GPR151: variants seen among roughly 807,000 people sequenced by gnomAD.
GPR151 encodes G protein-coupled receptor 151.
In GPR151, 16 loss-of-function variants were observed where a neutral mutation model predicts 18.2. The observed-to-expected ratio is 0.88, with a 90% CI of 0.60 to 1.34. GPR151 has a LOEUF of 1.34. Ranked by LOEUF, GPR151 falls within the 40% of genes most tolerant of loss-of-function variation. The pLI is 0.00. For synonymous variants in GPR151, 202 were observed against 191.2 expected (o/e 1.06, Z -0.47); for missense variants, 509 against 504.3 (o/e 1.01, Z -0.09).
rs1238255982 is a variant in GPR151, at chr5:146,515,436, A to G, written c.678T>C (p.Tyr226=). The G allele has an allele frequency of 6.2e-7, 1 of 1,614,176 alleles. No individual in the cohort carries two copies. The highest frequency in any genetic ancestry group is 8.5e-7 in the Non-Finnish European group (1 of 1,180,020). Residue 226 remains tyrosine, a synonymous_variant, in exon 1 of 1, where the codon TAT becomes TAC. Transcript: ENST00000311104. ...FFASFYFWRA[Y]DQCKKRGTKT... is the part of the protein sequence containing the mutation. ...TAGTTCCTCGTTTTTTACATTGGTC[A>G]TAAGCTCTCCAGAAATAAAAGCTGG...
At position 146,515,678 on chromosome 5, in the gene GPR151, G is replaced by C; in HGVS notation, c.436C>G (p.Gln146Glu). Reference protein sequence around the residue: ...CFMYASDPAKQVSIHNYTIWS... With the variant: ...CFMYASDPAKEVSIHNYTIWS... ...ATGGTGTAGTTGTGGATACTCACTT[G>C]CTTGGCTGGGTCACTTGCATACATG... The change falls in exon 1 of 1, where the codon CAA (glutamine) becomes GAA (glutamate). Residue 146 changes from glutamine to glutamate, a missense_variant. Physicochemically the swap from Gln to Glu is conservative, Grantham distance 29 (BLOSUM62 2). Coordinates refer to ENST00000311104, the MANE Select transcript of GPR151 (RefSeq NM_194251.3). 7 of 1,614,158 alleles carry C rather than the reference G, an allele frequency of 4.3e-6. No homozygotes were observed. Among genetic ancestry groups the C allele is most frequent in the Non-Finnish European group, 5.9e-6 (7 of 1,180,030 alleles).
Position 146,515,617 on chromosome 5 carries a change from C to T in GPR151, c.497G>A (p.Ser166Asn), listed in dbSNP as rs1039317557. ...GAACCATTCCGGCAGGGGTAACAGG[C>T]TAGCCACAGTCCAGATGGCCACCAG... is the stretch of plus-strand genomic sequence containing the variant. ...SVLVAIWTVA[S>N]LLPLPEWFFS... Residue 166 changes from serine (S) to asparagine (N), a missense_variant, in exon 1 of 1, where the codon AGC becomes AAC. Coordinates refer to ENST00000311104, the MANE Select transcript of GPR151 (RefSeq NM_194251.3). 1.2e-6 allele frequency: 2 copies of T among 1,614,172 alleles called. No individual in the cohort carries two copies. Among genetic ancestry groups the T allele is most frequent in the Non-Finnish European group, 1.7e-6 (2 of 1,180,036 alleles).
Position 146,515,475 on chromosome 5 carries a change from A to G in GPR151, c.639T>C (p.Leu213=). The G allele has an allele frequency of 6.2e-7, 1 of 1,614,154 alleles. No individual in the cohort carries two copies. The highest frequency in any genetic ancestry group is 8.5e-7 in the Non-Finnish European group (1 of 1,180,002). The stretch of plus-strand genomic sequence containing the variant: ...AATAAAAGCTGGCAAAAAATAATGG[A>G]AGGCCAAATGCCAGGAGTGGGTAGA... The part of the protein sequence containing the change: ...GKLYPLLAFG[L]PLFFASFYFW... Residue 213 remains leucine, a synonymous_variant, in exon 1 of 1, where the codon CTT becomes CTC. Coordinates refer to ENST00000311104, the MANE Select transcript of GPR151 (RefSeq NM_194251.3).
Position 146,515,226 on chromosome 5 carries a change from A to G in GPR151, c.888T>C (p.Phe296=). The G allele has an allele frequency of 6.2e-7, 1 of 1,614,184 alleles. No homozygotes were observed. The highest frequency in any genetic ancestry group is 8.5e-7 in the Non-Finnish European group (1 of 1,180,038). ...TGAGAGGATTTGCTGAAGAGATGGA[A>G]AACATCAAGACTTGAGACAGGGCTA... ...GFIALSQVLM[F]SISSANPLIF... is the part of the protein sequence containing the mutation. The change falls in exon 1 of 1, where the codon TTT becomes TTC. Residue 296 remains phenylalanine, a synonymous_variant. Transcript: ENST00000311104.
rs559725875 is a variant in GPR151 at position 146,513,159 on chromosome 5, C to T, written c.*1695G>A. The T allele has an allele frequency of 5.3e-5, 8 of 152,270 alleles. No homozygotes were observed. In the South Asian group the frequency reaches 1.7e-3, roughly 32 times the overall value. The allele number at this position is 152,270 out of a possible 1,614,324, so 9.4% of individuals were successfully genotyped here. A position where few individuals can be genotyped will look rare whatever the true frequency, so the allele number is the denominator to read the frequency against. Reference sequence around the variant, plus strand: ...CTTTACAAGTTTAAAGTGTCAAACCCTGGAAGCTTACATCCTAAATTTACT... The same window carrying T: ...CTTTACAAGTTTAAAGTGTCAAACCTTGGAAGCTTACATCCTAAATTTACT... On this transcript the variant is annotated 3_prime_UTR_variant, in exon 1 of 1. Transcript: ENST00000311104.
Position 146,515,171 on chromosome 5 carries a change from C to A in GPR151, c.943G>T (p.Glu315Ter). 1.2e-6 allele frequency: 2 copies of A among 1,614,112 alleles called. No homozygotes were observed. The highest frequency in any genetic ancestry group is 1.7e-6 in the Non-Finnish European group (2 of 1,180,016). ...CATTTCCATACACCTTTCAAGCCTTCCCTGAACTCTTCCGACATCACAAGA... is the reference window on the plus strand; with the variant it reads ...CATTTCCATACACCTTTCAAGCCTTACCTGAACTCTTCCGACATCACAAGA... ...IFLVMSEEFR[E>*]GLKGVWKWMI... is the part of the protein sequence containing the mutation. Residue 315 changes from glutamate (E) to a stop codon, truncating the protein, a stop_gained, in exon 1 of 1, where the codon GAA (glutamate) becomes TAA (stop). Coordinates refer to ENST00000311104, the MANE Select transcript of GPR151 (RefSeq NM_194251.3). LOFTEE classifies it low-confidence loss of function (END_TRUNC).
In GPR151 at chr5:146,515,965, C is replaced by T. The variant is rs2150970707; in HGVS notation, c.149G>A (p.Gly50Asp). The T allele has an allele frequency of 1.9e-6, 3 of 1,614,122 alleles. No homozygotes were observed. Among genetic ancestry groups the T allele is most frequent in the Middle Eastern group, 1.6e-4 (1 of 6,062 alleles). Reference sequence around the variant, plus strand: ...AATCACACACAGGTTTCCCACGAAGCCCACCAGGCAGACAGCCACCAAGAG... The same window carrying T: ...AATCACACACAGGTTTCCCACGAAGTCCACCAGGCAGACAGCCACCAAGAG... ...PALLVAVCLV[G>D]FVGNLCVIGI... The change falls in exon 1 of 1, where the codon GGC becomes GAC. Residue 50 changes from glycine (G) to aspartate (D), a missense_variant. Coordinates refer to ENST00000311104, the MANE Select transcript of GPR151 (RefSeq NM_194251.3).
Position 146,513,956 on chromosome 5 carries a change from A to G in GPR151, c.*898T>C, listed in dbSNP as rs1248496395. On this transcript the variant is annotated 3_prime_UTR_variant, in exon 1 of 1. Coordinates refer to ENST00000311104, the MANE Select transcript of GPR151 (RefSeq NM_194251.3). ...TCTATTTGTATTTGAGGAGTAATCT[A>G]TACCTATATCATTAACCATGGTTTA... The G allele has an allele frequency of 6.6e-6, 1 of 152,230 alleles. No individual in the cohort carries two copies. The highest frequency in any genetic ancestry group is 1.5e-5 in the Non-Finnish European group (1 of 68,038). The allele number at this position is 152,230 out of a possible 1,614,324, so 9.4% of individuals were successfully genotyped here.
chr5:146,514,920 A>T lies in GPR151; in HGVS notation c.1194T>A (p.Ser398=). ...QFWHERDTVP[S]VQDNDPIPWE... is the part of the protein sequence containing the mutation. ...AGGGGATAGGGTCATTGTCCTGTAC[A>T]GAAGGGACTGTGTCCCTCTCATGCC... Residue 398 remains serine, a synonymous_variant, in exon 1 of 1, where the codon TCT becomes TCA. Transcript: ENST00000311104. 1 of 1,612,666 alleles carries T rather than the reference A, an allele frequency of 6.2e-7. No individual in the cohort carries two copies. Among genetic ancestry groups the T allele is most frequent in the Non-Finnish European group, 8.5e-7 (1 of 1,178,656 alleles).
At position 146,513,353 on chromosome 5, in the gene GPR151, C is replaced by A. The variant is rs1178034875; in HGVS notation, c.*1501G>T. The A allele has an allele frequency of 6.6e-6, 1 of 152,136 alleles. No individual in the cohort carries two copies. The highest frequency in any genetic ancestry group is 1.5e-5 in the Non-Finnish European group (1 of 68,020). 9.4% of individuals were successfully genotyped at this position (152,136 alleles called of 1,614,324 possible). On this transcript the variant is annotated 3_prime_UTR_variant, in exon 1 of 1. Coordinates refer to ENST00000311104, the MANE Select transcript of GPR151 (RefSeq NM_194251.3). ...TGTAATGAAGGATGTAAAAAGAATA[C>A]AGCCCTACCTCCTGTGTTAAAAAGC...
Position 146,513,464 on chromosome 5 carries a change from T to C in GPR151, c.*1390A>G, listed in dbSNP as rs1768549853. 1 of 152,226 alleles carries C rather than the reference T, an allele frequency of 6.6e-6. No homozygotes were observed. The highest frequency in any genetic ancestry group is 2.4e-5 in the African/African-American group (1 of 41,464). 9.4% of individuals were successfully genotyped at this position (152,226 alleles called of 1,614,324 possible). On this transcript the variant is annotated 3_prime_UTR_variant, in exon 1 of 1. Transcript: ENST00000311104. ...CTTTTTTTTTCCATAACATATCCTT[T>C]ATATTTCAGATTCTCCATGGCTTGG... is the stretch of plus-strand genomic sequence containing the variant.
At position 146,515,809 on chromosome 5, in the gene GPR151, CT is replaced by C; in HGVS notation, c.304del (p.Ser102ValfsTer5). On this transcript the variant is annotated frameshift_variant, in exon 1 of 1. Coordinates refer to ENST00000311104, the MANE Select transcript of GPR151 (RefSeq NM_194251.3). LOFTEE classifies it high-confidence loss of function. ...GACAAACCAGCCTAGATCCCAAACA[CT>C]TTTGGAGTACGCCGTAGCTCGGATA... ...APIRATAYSK[S>X]VWDLGWFVCK... is the part of the protein sequence containing the mutation. The C allele has an allele frequency of 1.2e-6, 2 of 1,614,212 alleles. No homozygotes were observed. Among genetic ancestry groups the C allele is most frequent in the South Asian group, 1.1e-5 (1 of 91,076 alleles).
Position 146,515,381 on chromosome 5 carries a change from A to T in GPR151, c.733T>A (p.Ser245Thr), listed in dbSNP as rs1768592378. The T allele has an allele frequency of 6.2e-7, 1 of 1,614,034 alleles. No homozygotes were observed. Among genetic ancestry groups the T allele is most frequent in the African/African-American group, 1.3e-5 (1 of 74,906 alleles). The change falls in exon 1 of 1, where the codon TCA (serine) becomes ACA (threonine). Residue 245 changes from serine to threonine, a missense_variant. Ser to Thr is a moderately conservative substitution (Grantham distance 58, BLOSUM62 1). Transcript: ENST00000311104. Reference protein sequence around the residue: ...KTQNLRNQIRSKQVTVMLLSI... With the variant: ...KTQNLRNQIRTKQVTVMLLSI... ...AGCAGCATCACTGTGACTTGCTTTG[A>T]GCGTATCTGGTTTCTAAGATTTTGA...
Position 146,513,222 on chromosome 5 carries a change from C to G in GPR151, c.*1632G>C. 1 of 152,242 alleles carries G rather than the reference C, an allele frequency of 6.6e-6. No homozygotes were observed. Among genetic ancestry groups the G allele is most frequent in the African/African-American group, 2.4e-5 (1 of 41,556 alleles). 9.4% of individuals were successfully genotyped at this position (152,242 alleles called of 1,614,324 possible). On this transcript the variant is annotated 3_prime_UTR_variant, in exon 1 of 1. Transcript: ENST00000311104. The stretch of plus-strand genomic sequence containing the variant: ...CATAAAAATTATTTATTCAAATAAT[C>G]ACAGACAATGATAATCCTTTTTATA...
Position 146,513,380 on chromosome 5 carries a change from A to C in GPR151, c.*1474T>G, listed in dbSNP as rs1768547264. ...GCCCTACCTCCTGTGTTAAAAAGCA[A>C]ACTATGACCACTTATGAAAAAGCAA... On this transcript the variant is annotated 3_prime_UTR_variant, in exon 1 of 1. Coordinates refer to ENST00000311104, the MANE Select transcript of GPR151 (RefSeq NM_194251.3). 2.0e-5 allele frequency: 3 copies of C among 152,308 alleles called. No individual in the cohort carries two copies. The South Asian group carries it at 6.2e-4, about 32-fold the overall frequency. The allele number at this position is 152,308 out of a possible 1,614,324, so 9.4% of individuals were successfully genotyped here.
rs1768560219 is a variant in GPR151 at position 146,513,966 on chromosome 5, C to T, written c.*888G>A. 6.6e-6 allele frequency: 1 copy of T among 152,162 alleles called. No homozygotes were observed. The highest frequency in any genetic ancestry group is 2.4e-5 in the African/African-American group (1 of 41,454). 9.4% of individuals were successfully genotyped at this position (152,162 alleles called of 1,614,324 possible). Reference sequence around the variant, plus strand: ...TTTGAGGAGTAATCTATACCTATATCATTAACCATGGTTTATCTTGGGAGA... The same window carrying T: ...TTTGAGGAGTAATCTATACCTATATTATTAACCATGGTTTATCTTGGGAGA... On this transcript the variant is annotated 3_prime_UTR_variant, in exon 1 of 1. Coordinates refer to ENST00000311104, the MANE Select transcript of GPR151 (RefSeq NM_194251.3).
Position 146,515,824 on chromosome 5 carries a change from G to A in GPR151, c.290C>T (p.Thr97Met), listed in dbSNP as rs145255868. 309 of 1,614,184 alleles carry A rather than the reference G, an allele frequency of 1.9e-4. No homozygotes were observed. The African/African-American group carries it at 2.7e-3, about 14-fold the overall frequency. Residue 97 changes from threonine (T) to methionine (M), a missense_variant, in exon 1 of 1, where the codon ACG becomes ATG. Transcript: ENST00000311104. ...ATCCCAAACACTTTTGGAGTACGCC[G>A]TAGCTCGGATAGGTGCAGAAAACAG... is the stretch of plus-strand genomic sequence containing the variant. ...LLLFSAPIRA[T>M]AYSKSVWDLG...
Position 146,515,386 on chromosome 5 carries a change from A to G in GPR151, c.728T>C (p.Ile243Thr). 2 of 1,614,178 alleles carry G rather than the reference A, an allele frequency of 1.2e-6. No individual in the cohort carries two copies. The highest frequency in any genetic ancestry group is 1.6e-4 in the Middle Eastern group (1 of 6,062). The change falls in exon 1 of 1, where the codon ATA (isoleucine) becomes ACA (threonine). Residue 243 changes from isoleucine (I) to threonine (T), a missense_variant. Coordinates refer to ENST00000311104, the MANE Select transcript of GPR151 (RefSeq NM_194251.3). ...GTKTQNLRNQ[I>T]RSKQVTVMLL... ...CATCACTGTGACTTGCTTTGAGCGT[A>G]TCTGGTTTCTAAGATTTTGAGTCTT...
rs1768573695 is a variant in GPR151, at chr5:146,514,782, G to C, written c.*72C>G. On this transcript the variant is annotated 3_prime_UTR_variant, in exon 1 of 1. Transcript: ENST00000311104. ...GGTAATAATTATATCAGTTTGTAAA[G>C]TCAGCAATATTGATAAGCAGCAGTA... 1 of 964,168 alleles carries C rather than the reference G, an allele frequency of 1.0e-6. No individual in the cohort carries two copies. The highest frequency in any genetic ancestry group is 2.6e-5 in the East Asian group (1 of 38,754). 59.7% of individuals were successfully genotyped at this position (964,168 alleles called of 1,614,324 possible).
Sources: allele counts gnomAD v4.1 joint callset, GRCh38; gene constraint gnomAD v4.1.1; transcripts MANE v1.5; gene names NCBI Gene and HGNC (gene_info 2026-07-23, HGNC 2026-07-21).